The following NRG1 variants were observed in gnomAD, a reference collection of about 807,000 sequenced individuals.
The protein encoded by NRG1 is pro-neuregulin-1, membrane-bound isoform.
In NRG1, 18 loss-of-function variants were observed where a neutral mutation model predicts 63.8. That is an observed-to-expected ratio of 0.28 (90% CI 0.19 to 0.42). The LOEUF is 0.42. Among genes scored for constraint, NRG1 ranks in the 10% least tolerant of loss-of-function variants. The pLI is 1.00. For missense variants in NRG1, 762 were observed against 814.7 expected (o/e 0.94, Z 0.79); for synonymous variants, 302 against 301.3 (o/e 1.00, Z -0.02).
chr8:31,809,374 ATATATACGTG>A (rs1383051369), intron 1 of NRG1, among the ~76,000 whole-genome samples: 6 of 141,918 alleles, frequency 4.2e-5, no homozygotes, highest in African/African-American at 1.5e-4. Context: ...ATATACACGT[ATATATACGTG>A]TATATATATG....
At chr8:32,685,736 G>A (rs936051371) in intron 5 of NRG1, among the ~76,000 whole-genome samples, 1 of 152,264 alleles carries the variant, frequency 6.6e-6, no homozygotes. Flanking sequence ...GGAAAATGTG[G>A]TCAATACATG....
intron 1 of NRG1, among the ~76,000 whole-genome samples, chr8:32,101,894 T>C (rs912108908): frequency 6.6e-6 from 1 of 152,198 alleles, no homozygotes; most frequent in Non-Finnish European, 1.5e-5. Flanking sequence ...CTGTTGAGGC[T>C]TTCTTGTGAT....
At chr8:32,460,404 G>A (rs944069309) in intron 1 of NRG1, among the ~76,000 whole-genome samples, 5 of 152,188 alleles carry the variant, frequency 3.3e-5, no homozygotes, top group Non-Finnish European at 5.9e-5. Flanking sequence ...TACACGACCT[G>A]TTAAAACCAT....
downstream of NRG1, among the ~76,000 whole-genome samples, chr8:32,770,797 G>A (rs190493804): frequency 5.3e-5 from 8 of 152,276 alleles, no homozygotes; most frequent in East Asian, 3.9e-4. Context: ...TTACAAGACC[G>A]TGGTGTGGTC....
At chr8:32,356,246 A>C (rs1806371876) in intron 1 of NRG1, among the ~76,000 whole-genome samples, 1 of 152,212 alleles carries the variant, frequency 6.6e-6, no homozygotes, top group Middle Eastern at 3.2e-3. Context: ...TTAAAGTTCC[A>C]TTTCCAGTCT....
intron 1 of NRG1, among the ~76,000 whole-genome samples, chr8:31,809,499 G>A (rs1822643092): frequency 6.6e-6 from 1 of 150,436 alleles, no homozygotes; most frequent in East Asian, 2.0e-4. Flanking sequence ...AGGCCATCAT[G>A]TGCTTGTCCT....
At chr8:32,176,085 AG>A (rs1233449967) in intron 1 of NRG1, among the ~76,000 whole-genome samples, 6 of 151,792 alleles carry the variant, frequency 4.0e-5, no homozygotes, top group Non-Finnish European at 7.4e-5. Flanking sequence ...TCAAACTACA[AG>A]GCTACAGTAA....
intron 5 of NRG1, among the ~76,000 whole-genome samples, chr8:32,711,997 G>C (rs1289660309): frequency 6.6e-6 from 1 of 152,178 alleles, no homozygotes; most frequent in Non-Finnish European, 1.5e-5. Flanking sequence ...GGATGGCAGA[G>C]TGAGCCTGCG....
intron 1 of NRG1, among the ~76,000 whole-genome samples, chr8:31,785,833 T>C (rs1820118964): frequency 6.6e-6 from 1 of 152,230 alleles, no homozygotes; most frequent in Non-Finnish European, 1.5e-5. Flanking sequence ...TCATGTGGTA[T>C]ACAGAGTGAA....
At chr8:31,674,641 G>C (rs10099208) in intron 1 of NRG1, among the ~76,000 whole-genome samples, 32,842 of 151,410 alleles carry the variant, frequency 0.22, 4,303 homozygotes, top group East Asian at 0.59. Flanking sequence ...GCTTTGTTTA[G>C]TATGAAGTCC....
chr8:32,536,072 T>G (rs1333852666), intron 1 of NRG1, among the ~76,000 whole-genome samples: 2 of 152,232 alleles, frequency 1.3e-5, no homozygotes, highest in Non-Finnish European at 2.9e-5. Flanking sequence ...CCCAATGCAA[T>G]TCAATCTTAG....
intron 1 of NRG1, among the ~76,000 whole-genome samples, chr8:32,336,397 C>T (rs915316112): frequency 2.0e-5 from 3 of 151,946 alleles, no homozygotes; most frequent in African/African-American, 2.4e-5. Context: ...AGGTCGTTTC[C>T]AAAACCCTCA....
At chr8:32,442,177 C>T (rs551337280) in intron 1 of NRG1, among the ~76,000 whole-genome samples, 14 of 152,334 alleles carry the variant, frequency 9.2e-5, no homozygotes, top group Middle Eastern at 3.4e-3. Context: ...TGCTCCACAT[C>T]TGGTGCAACA....
chr8:31,768,596 C>T (rs190508740), intron 1 of NRG1, among the ~76,000 whole-genome samples: 6 of 152,162 alleles, frequency 3.9e-5, no homozygotes, highest in African/African-American at 9.7e-5. Context: ...GCAGTTTACA[C>T]CTTGAAAAAT....
At chr8:32,287,315 G>A (rs1853652144) in intron 1 of NRG1, 1 of 152,216 alleles carries the variant, frequency 6.6e-6, no homozygotes, top group African/African-American at 2.4e-5. Flanking sequence ...GGAGGGAAAT[G>A]GATTCCACAC....
At chr8:32,008,745 G>A (rs751958517) in intron 1 of NRG1, among the ~76,000 whole-genome samples, 1 of 152,080 alleles carries the variant, frequency 6.6e-6, no homozygotes, top group African/African-American at 2.4e-5. Flanking sequence ...CCCTCTGCTA[G>A]TTTTCTGAAG....
intron 1 of NRG1, among the ~76,000 whole-genome samples, chr8:31,672,137 A>G (rs1388624967): frequency 6.6e-6 from 1 of 152,094 alleles, no homozygotes; most frequent in Non-Finnish European, 1.5e-5. Context: ...CTCCCTGTTA[A>G]GTATCAGCAC....
intron 1 of NRG1, among the ~76,000 whole-genome samples, chr8:32,435,643 T>C (rs557634485): frequency 6.6e-6 from 1 of 152,320 alleles, no homozygotes; most frequent in East Asian, 1.9e-4. Flanking sequence ...GTCAGTGTTT[T>C]ACATTTGTAA....
chr8:32,365,290 A>C (rs1378696627), intron 1 of NRG1, among the ~76,000 whole-genome samples: 2 of 152,146 alleles, frequency 1.3e-5, no homozygotes, highest in Non-Finnish European at 2.9e-5. Flanking sequence ...TTTAGATTAG[A>C]AAAACTAGCC....
Sources: allele counts gnomAD v4.1 joint callset (sites outside exome capture counted in the v4.1 genomes callset), GRCh38; gene constraint gnomAD v4.1.1; transcripts MANE v1.5; gene names NCBI Gene and HGNC (gene_info 2026-07-23, HGNC 2026-07-21).